FNDC3A: variants seen among roughly 807,000 people sequenced by gnomAD.
FNDC3A encodes the protein fibronectin type III domain containing 3A, also known as fibronectin type-III domain-containing protein 3A.
Under a neutral mutation model 148.9 loss-of-function variants are expected in FNDC3A, and 32 were observed. The observed-to-expected ratio is 0.21, with a 90% confidence interval of 0.16 to 0.29. The LOEUF is 0.29. FNDC3A is among the 10% of genes least tolerant of loss of function. FNDC3A has a pLI of 1.00. For missense variants in FNDC3A, 1,191 were observed against 1,452.8 expected, an observed-to-expected ratio of 0.82 and a Z score of 2.93; for synonymous variants, 472 against 473.6, an observed-to-expected ratio of 1.00 and a Z score of 0.04.
chr13:49,193,678 G>C (rs996954387), intron 19 of FNDC3A, among the ~76,000 whole-genome samples: 2 of 152,160 alleles, frequency 1.3e-5, no homozygotes, highest in African/African-American at 4.8e-5. Context: ...CCAGCACTTT[G>C]GGAGGCCAAG....
chr13:49,130,175 T>A (rs1223815819), intron 4 of FNDC3A, among the ~76,000 whole-genome samples: 1 of 151,980 alleles, frequency 6.6e-6, no homozygotes, highest in Non-Finnish European at 1.5e-5. Flanking sequence ...GGAGTAAGTC[T>A]TGTCATTTAA....
chr13:49,191,400 T>C lies in FNDC3A; in HGVS notation c.2226+16T>C. On this transcript the variant is annotated intron_variant, in intron 19 of 25. Coordinates refer to ENST00000492622, the MANE Select transcript of FNDC3A (RefSeq NM_001079673.2). ...CAAAATGGGGGTAAGAAGACTGTGC[T>C]GGTAGAATTATAATCACAATGGTGA... The C allele has an allele frequency of 2.0e-5, 31 of 1,552,056 alleles. No homozygotes were observed. The highest frequency in any genetic ancestry group is 2.4e-5 in the Non-Finnish European group (28 of 1,151,512).
chr13:49,186,647 C>G (rs1178716362), intron 15 of FNDC3A, among the ~76,000 whole-genome samples: 1 of 152,222 alleles, frequency 6.6e-6, no homozygotes, highest in Non-Finnish European at 1.5e-5. Flanking sequence ...GCGGGCAGAT[C>G]ACATGAGGTC....
At chr13:49,115,214 G>T (rs1301606849) in intron 4 of FNDC3A, among the ~76,000 whole-genome samples, 1 of 145,376 alleles carries the variant, frequency 6.9e-6, no homozygotes, top group East Asian at 2.0e-4. Context: ...AAAAAAATCA[G>T]TATCTCCATA....
chr13:49,194,047 G>T (rs1298013377), intron 19 of FNDC3A, among the ~76,000 whole-genome samples: 1 of 152,168 alleles, frequency 6.6e-6, no homozygotes, highest in African/African-American at 2.4e-5. Flanking sequence ...GATCACTTCA[G>T]GCCAGGAGTT....
intron 14 of FNDC3A, among the ~76,000 whole-genome samples, chr13:49,180,187 A>G (rs1022771740): frequency 1.3e-5 from 2 of 152,164 alleles, no homozygotes; most frequent in Admixed American, 1.3e-4. Context: ...TTCCTTCATC[A>G]TCAGTGAGAA....
At chr13:49,033,601 C>G (rs1874284718) in intron 2 of FNDC3A, among the ~76,000 whole-genome samples, 1 of 151,874 alleles carries the variant, frequency 6.6e-6, no homozygotes, top group African/African-American at 2.4e-5. Flanking sequence ...TTGAATCTTA[C>G]AGCAGCTGTT....
At chr13:49,125,092 C>T (rs1881612735) in intron 4 of FNDC3A, among the ~76,000 whole-genome samples, 1 of 152,066 alleles carries the variant, frequency 6.6e-6, no homozygotes, top group South Asian at 2.1e-4. Context: ...GAAACTATAT[C>T]GACTTTGGGA....
At chr13:49,088,718 G>T (rs932700747) in intron 3 of FNDC3A, among the ~76,000 whole-genome samples, 1 of 151,700 alleles carries the variant, frequency 6.6e-6, no homozygotes, top group African/African-American at 2.4e-5. Context: ...TTCCTTCTCA[G>T]TCTTTTTTTC....
intron 1 of FNDC3A, among the ~76,000 whole-genome samples, chr13:49,000,165 A>C (rs1266136517): frequency 6.6e-6 from 1 of 152,222 alleles, no homozygotes; most frequent in African/African-American, 2.4e-5. Flanking sequence ...GCCAAATCTA[A>C]AATCATGAAG....
rs1350058805 is a variant in FNDC3A at position 49,207,362 on chromosome 13, T to C, written c.3564T>C (p.Ile1188=). ...TGTTTGCTTTCTTTTCCATTTTGAT[T>C]GCCTTTATCATTCAGTACTTTGTAA... is the stretch of plus-strand genomic sequence containing the variant. ...LVLFAFFSIL[I]AFIIQYFVIK Residue 1188 remains isoleucine (I), a synonymous_variant, in exon 26 of 26, where the codon ATT becomes ATC. Coordinates refer to ENST00000492622, the MANE Select transcript of FNDC3A (RefSeq NM_001079673.2). 2.5e-6 allele frequency: 4 copies of C among 1,611,576 alleles called. No homozygotes were observed. The highest frequency in any genetic ancestry group is 2.5e-6 in the Non-Finnish European group (3 of 1,177,810).
At chr13:49,002,186 TCC>T (rs1952139032) in intron 1 of FNDC3A, among the ~76,000 whole-genome samples, 1 of 152,190 alleles carries the variant, frequency 6.6e-6, no homozygotes, top group Non-Finnish European at 1.5e-5. Context: ...GGGTAGAACT[TCC>T]AGCACTGTGT....
intron 2 of FNDC3A, among the ~76,000 whole-genome samples, chr13:49,017,270 A>T (rs565285190): frequency 3.3e-5 from 5 of 152,098 alleles, no homozygotes; most frequent in Admixed American, 3.3e-4. Flanking sequence ...GACTTGCTTT[A>T]TGAGTCTTGG....
intron 8 of FNDC3A, among the ~76,000 whole-genome samples, chr13:49,166,790 G>C (rs890671213): frequency 3.9e-5 from 6 of 152,030 alleles, no homozygotes; most frequent in Admixed American, 2.6e-4. Context: ...TCTCTCTTAG[G>C]TGATCTGTTC....
chr13:49,158,558 T>A (rs1450530006), intron 8 of FNDC3A, among the ~76,000 whole-genome samples: 4 of 152,322 alleles, frequency 2.6e-5, no homozygotes, highest in Middle Eastern at 3.4e-3. Context: ...TTTTCTCCCA[T>A]TCTGTAGGTT....
At chr13:48,989,684 G>A (rs899996095) in intron 1 of FNDC3A, among the ~76,000 whole-genome samples, 2 of 151,016 alleles carry the variant, frequency 1.3e-5, no homozygotes, top group Admixed American at 6.6e-5. Flanking sequence ...AAACCAATAA[G>A]CACAATAAGC....
intron 8 of FNDC3A, among the ~76,000 whole-genome samples, chr13:49,149,131 G>T (rs1239008041): frequency 6.7e-6 from 1 of 150,116 alleles, no homozygotes; most frequent in Non-Finnish European, 1.5e-5. Context: ...CTACATGTAA[G>T]ATCATGTCAT....
chr13:49,033,489 T>C (rs1241742038), intron 2 of FNDC3A, among the ~76,000 whole-genome samples: 1 of 152,090 alleles, frequency 6.6e-6, no homozygotes, highest in African/African-American at 2.4e-5. Flanking sequence ...AAAGGGTGAC[T>C]TGGTAGACTA....
rs150221959 is a variant in FNDC3A at position 49,075,520 on chromosome 13, G to A, written c.175+156G>A. Among the ~76,000 whole-genome samples, 320 of 152,214 alleles carry A rather than the reference G, an allele frequency of 2.1e-3. 2 individuals are homozygous for A. The highest frequency in any genetic ancestry group is 7.1e-3 in the African/African-American group (296 of 41,518). On this transcript the variant is annotated intron_variant, in intron 3 of 25. Coordinates refer to ENST00000492622, the MANE Select transcript of FNDC3A (RefSeq NM_001079673.2). ...TATCTTAGCATTTAAGTATTGCAGT[G>A]TCATTCTAACTAGTCTCTTTGCCCT...
Sources: allele counts gnomAD v4.1 joint callset (sites outside exome capture counted in the v4.1 genomes callset), GRCh38; gene constraint gnomAD v4.1.1; transcripts MANE v1.5; gene names NCBI Gene and HGNC (gene_info 2026-07-23, HGNC 2026-07-21).